PTRH2: variants seen among roughly 807,000 people sequenced by gnomAD.
The protein encoded by PTRH2 is peptidyl-tRNA hydrolase 2, mitochondrial.
A neutral mutation model predicts 12.3 loss-of-function variants in PTRH2; 10 were observed. The observed-to-expected ratio is 0.81, with a 90% CI of 0.50 to 1.38. PTRH2 has a LOEUF of 1.38. Among genes scored for constraint, PTRH2 ranks in the 40% most tolerant of loss-of-function variants. The pLI is 0.00. For missense variants in PTRH2, 176 were observed against 214.1 expected, an observed-to-expected ratio of 0.82 and a Z score of 1.11; for synonymous variants, 73 against 77.4, an observed-to-expected ratio of 0.94 and a Z score of 0.30.
chr17:59,704,604 G>C (rs1048680961), intron 1 of PTRH2, among the ~76,000 whole-genome samples: 1 of 152,154 alleles, frequency 6.6e-6, no homozygotes, highest in Admixed American at 6.5e-5. Context: ...TGAACATTAG[G>C]AATCAAAGGA....
At chr17:59,698,068 T>C (rs1482604979) in intron 1 of PTRH2, 90 bp from the exon 2 acceptor site, 1 of 1,333,442 alleles carries the variant, frequency 7.5e-7, no homozygotes, top group Non-Finnish European at 1.0e-6. Context: ...ACTATACACT[T>C]AATGGTCATC....
In PTRH2 at chr17:59,697,350, G is replaced by A; in HGVS notation, c.*89C>T. 5.0e-6 allele frequency: 7 copies of A among 1,398,514 alleles called. No homozygotes were observed. In the South Asian group the frequency reaches 7.0e-5, roughly 14 times the overall value. The allele number at this position is 1,398,514 out of a possible 1,614,324, so 86.6% of individuals were successfully genotyped here. On this transcript the variant is annotated 3_prime_UTR_variant, in exon 2 of 2. Transcript: ENST00000393038. ...TTATTTTCATCTCAAGAACATTTAA[G>A]TTGGGTGAAGAAATTCAGCTTTTGT...
rs190612631 is a variant in PTRH2 at position 59,706,537 on chromosome 17, C to A, written c.-1+834G>T. Among the ~76,000 whole-genome samples the A allele has an allele frequency of 2.0e-5, 3 of 152,098 alleles. 1 individual carries two copies. Among genetic ancestry groups the A allele is most frequent in the Admixed American group, 2.0e-4 (3 of 15,272 alleles). On this transcript the variant is annotated intron_variant, in intron 1 of 1. Coordinates refer to ENST00000393038, the MANE Select transcript of PTRH2 (RefSeq NM_016077.5). ...CAAACAAACCTTTCCCAAATCTTCT[C>A]TGACCCTTAAGCCACTGCCCCACTT... is the stretch of plus-strand genomic sequence containing the variant.
At position 59,697,531 on chromosome 17, in the gene PTRH2, G is replaced by C. The variant is rs749561616; in HGVS notation, c.448C>G (p.Gln150Glu). 8.7e-6 allele frequency: 14 copies of C among 1,614,172 alleles called. No homozygotes were observed. Among genetic ancestry groups the C allele is most frequent in the Non-Finnish European group, 1.1e-5 (13 of 1,180,014 alleles). ...VSLIQDAGRT[Q>E]IAPGSQTVLG... ...ACAGTTTGAGAGCCTGGTGCAATCTGAGTACGTCCAGCATCTTGAATTAAA... is the reference window on the plus strand; with the variant it reads ...ACAGTTTGAGAGCCTGGTGCAATCTCAGTACGTCCAGCATCTTGAATTAAA... Residue 150 changes from glutamine (Q) to glutamate (E), a missense_variant, in exon 2 of 2, where the codon CAG becomes GAG. Physicochemically the swap from Gln to Glu is conservative, Grantham distance 29 (BLOSUM62 2). Transcript: ENST00000393038.
Position 59,697,879 on chromosome 17 carries a change from G to T in PTRH2, c.100C>A (p.Arg34=), listed in dbSNP as rs1474279792. The change falls in exon 2 of 2, where the codon CGA becomes AGA. Residue 34 remains arginine, a synonymous_variant. Transcript: ENST00000393038. ...TTGGGGAGCATCCCAAAGCATACTCGAAGGCTCCAGCCCAGGCACATGCCA... is the reference window on the plus strand; with the variant it reads ...TTGGGGAGCATCCCAAAGCATACTCTAAGGCTCCAGCCCAGGCACATGCCA... ...ACGMCLGWSL[R]VCFGMLPKSK... The T allele has an allele frequency of 6.2e-7, 1 of 1,614,080 alleles. No homozygotes were observed. The highest frequency in any genetic ancestry group is 2.2e-5 in the East Asian group (1 of 44,866).
intron 1 of PTRH2, among the ~76,000 whole-genome samples, chr17:59,706,617 G>A (rs1279262921): frequency 6.6e-6 from 1 of 151,816 alleles, no homozygotes; most frequent in Non-Finnish European, 1.5e-5. Context: ...ATGTCAGTAA[G>A]GATTAATACC....
chr17:59,704,438 G>C (rs1259570498), intron 1 of PTRH2, among the ~76,000 whole-genome samples: 3 of 152,158 alleles, frequency 2.0e-5, no homozygotes, highest in Admixed American at 1.3e-4. Context: ...GAAAGGTCTA[G>C]GATATATCAG....
chr17:59,705,841 G>A (rs1185612522), intron 1 of PTRH2, among the ~76,000 whole-genome samples: 4 of 151,754 alleles, frequency 2.6e-5, no homozygotes, highest in East Asian at 3.9e-4. Context: ...GCTGGGAGGT[G>A]GAAATTGCAG....
chr17:59,699,958 A>G (rs2033526025), intron 1 of PTRH2: 1 of 152,330 alleles, frequency 6.6e-6, no homozygotes, highest in African/African-American at 2.4e-5. Context: ...AGTACACGGT[A>G]GAGGATGGGT....
intron 1 of PTRH2, chr17:59,700,682 T>C (rs896617575): frequency 6.6e-6 from 1 of 152,176 alleles, no homozygotes; most frequent in African/African-American, 2.4e-5. Flanking sequence ...AATTTTTTTT[T>C]TCTCCTAAGA....
chr17:59,706,054 T>G (rs551194599), intron 1 of PTRH2, among the ~76,000 whole-genome samples: 1 of 152,362 alleles, frequency 6.6e-6, no homozygotes, highest in Non-Finnish European at 1.5e-5. Context: ...TTCTTTAGGA[T>G]GTTCTAATCT....
intron 1 of PTRH2, chr17:59,700,412 G>A (rs1339334701): frequency 6.6e-6 from 1 of 152,166 alleles, no homozygotes; most frequent in Non-Finnish European, 1.5e-5. Context: ...TATTTGTAAT[G>A]CACTGTATTT....
Position 59,697,364 on chromosome 17 carries a change from T to C in PTRH2, c.*75A>G. 6.9e-7 allele frequency: 1 copy of C among 1,456,782 alleles called. No homozygotes were observed. Among genetic ancestry groups the C allele is most frequent in the Non-Finnish European group, 9.3e-7 (1 of 1,078,246 alleles). 90.2% of individuals were successfully genotyped at this position (1,456,782 alleles called of 1,614,324 possible). A position where few individuals can be genotyped will look rare whatever the true frequency, so the allele number is the denominator to read the frequency against. ...AGAACATTTAAGTTGGGTGAAGAAA[T>C]TCAGCTTTTGTTGTTAGAATCTGAC... On this transcript the variant is annotated 3_prime_UTR_variant, in exon 2 of 2. Transcript: ENST00000393038.
chr17:59,698,774 AATC>A, intron 1 of PTRH2: 1 of 668,942 alleles, frequency 1.5e-6, no homozygotes, highest in Admixed American at 2.3e-5. Flanking sequence ...GTTGGACAAA[AATC>A]ATCTAACACG....
chr17:59,698,979 T>C, intron 1 of PTRH2: 1 of 689,336 alleles, frequency 1.5e-6, no homozygotes, highest in Middle Eastern at 2.4e-4. Context: ...AATTTCTCTC[T>C]CTTCTGATGA....
chr17:59,698,477 T>C (rs2033491740), intron 1 of PTRH2: 1 of 223,248 alleles, frequency 4.5e-6, no homozygotes, highest in Non-Finnish European at 8.9e-6. Flanking sequence ...TGAGCAAGGA[T>C]GCTAAAAACC....
At chr17:59,699,145 G>A (rs1264779989) in intron 1 of PTRH2, 1 of 317,302 alleles carries the variant, frequency 3.2e-6, no homozygotes, top group Non-Finnish European at 5.1e-6. Flanking sequence ...AGAGCATCCT[G>A]TATCTGCGCC....
Position 59,697,321 on chromosome 17 carries a change from G to C in PTRH2, c.*118C>G, listed in dbSNP as rs2033455019. On this transcript the variant is annotated 3_prime_UTR_variant, in exon 2 of 2. Transcript: ENST00000393038. ...CTGCCAACCATAGAACATGGGAATA[G>C]GTTTTATTTTCATCTCAAGAACATT... is the stretch of plus-strand genomic sequence containing the variant. 1 of 1,221,360 alleles carries C rather than the reference G, an allele frequency of 8.2e-7. No individual in the cohort carries two copies. The highest frequency in any genetic ancestry group is 1.5e-5 in the African/African-American group (1 of 65,662). 75.7% of individuals were successfully genotyped at this position (1,221,360 alleles called of 1,614,324 possible).
At chr17:59,698,475 G>A (rs776392394) in intron 1 of PTRH2, 1 of 222,468 alleles carries the variant, frequency 4.5e-6, no homozygotes, top group African/African-American at 2.3e-5. Context: ...CCTGAGCAAG[G>A]ATGCTAAAAA....
Sources: gnomAD v4.1 joint callset for allele counts (sites outside exome capture counted in the v4.1 genomes callset) on GRCh38, gnomAD v4.1.1 for gene constraint, MANE v1.5 for transcripts, NCBI Gene and HGNC (gene_info 2026-07-23, HGNC 2026-07-21) for gene names.